Variants in RIN3 observed in about 807,000 individuals in gnomAD.
The protein encoded by RIN3 is Ras and Rab interactor 3, also known as RAB5 interacting protein 3.
A neutral mutation model predicts 76.3 loss-of-function variants in RIN3; 54 were observed. That is an observed-to-expected ratio of 0.71 (90% CI 0.57 to 0.89). The LOEUF (loss-of-function observed/expected upper bound fraction) is 0.89, where lower values mean the gene tolerates loss of function less well. Among genes scored for constraint, RIN3 ranks in the 40% least tolerant of loss-of-function variants. RIN3 has a pLI of 0.00. For synonymous variants in RIN3, 576 were observed against 564.0 expected, an observed-to-expected ratio of 1.02 and a Z score of -0.30; for missense variants, 1,256 against 1,322.1, an observed-to-expected ratio of 0.95 and a Z score of 0.78.
At chr14:92,673,114 C>T (rs1888342657) in intron 7 of RIN3, among the ~76,000 whole-genome samples, 1 of 151,830 alleles carries the variant, frequency 6.6e-6, no homozygotes, top group Non-Finnish European at 1.5e-5. Flanking sequence ...AACCCTGTCT[C>T]TACCAAAAAT....
chr14:92,661,758 C>CACACACAAAA (rs373869994), intron 7 of RIN3, among the ~76,000 whole-genome samples: 62 of 133,286 alleles, frequency 4.7e-4, no homozygotes, highest in East Asian at 8.8e-4. Flanking sequence ...CACACACACA[C>CACACACAAAA]AAAAAATAGA....
chr14:92,533,605 A>G (rs1896930989), intron 1 of RIN3, among the ~76,000 whole-genome samples: 1 of 152,206 alleles, frequency 6.6e-6, no homozygotes, highest in Admixed American at 6.5e-5. Flanking sequence ...TTCTAAGTGA[A>G]GTAACTCAGG....
At chr14:92,670,853 T>C (rs1303643103) in intron 7 of RIN3, among the ~76,000 whole-genome samples, 2 of 152,140 alleles carry the variant, frequency 1.3e-5, no homozygotes, top group African/African-American at 2.4e-5. Flanking sequence ...TAGCTTGACG[T>C]TGGAAATTGT....
At chr14:92,539,246 G>A (rs753129090) in intron 1 of RIN3, among the ~76,000 whole-genome samples, 3 of 152,190 alleles carry the variant, frequency 2.0e-5, no homozygotes, top group Admixed American at 6.5e-5. Flanking sequence ...TAAGCCCAGA[G>A]TGGGGTCTGG....
intron 7 of RIN3, among the ~76,000 whole-genome samples, chr14:92,670,603 TG>T (rs2140162949): frequency 6.6e-6 from 1 of 152,342 alleles, no homozygotes; most frequent in African/African-American, 2.4e-5. Flanking sequence ...GGAGCTATCA[TG>T]CCTGTGTGGA....
chr14:92,676,624 G>T lies in RIN3; in HGVS notation c.2467+18G>T. 1 of 1,610,740 alleles carries T rather than the reference G, an allele frequency of 6.2e-7. No individual in the cohort carries two copies. Among genetic ancestry groups the T allele is most frequent in the African/African-American group, 1.3e-5 (1 of 74,988 alleles). ...GGGGGAGGGTGAGTCACCACCCCCT[G>T]CCCATCAGGTGCATTGCACACCCCC... On this transcript the variant is annotated intron_variant, in intron 8 of 9. Transcript: ENST00000216487.
At chr14:92,640,853 T>G (rs1886983051) in intron 4 of RIN3, among the ~76,000 whole-genome samples, 1 of 152,194 alleles carries the variant, frequency 6.6e-6, no homozygotes. Context: ...GGGAGATGCC[T>G]GACTGTGTGC....
chr14:92,634,598 G>A (rs1212593556), intron 4 of RIN3, among the ~76,000 whole-genome samples: 2 of 152,012 alleles, frequency 1.3e-5, no homozygotes, highest in South Asian at 2.1e-4. Flanking sequence ...GGGCGTGGTG[G>A]CTCACGCCTG....
intron 3 of RIN3, among the ~76,000 whole-genome samples, chr14:92,594,560 T>C (rs1310227830): frequency 6.6e-6 from 1 of 152,104 alleles, no homozygotes; most frequent in Non-Finnish European, 1.5e-5. Context: ...ACAACACACT[T>C]CTAACCAACA....
intron 1 of RIN3, among the ~76,000 whole-genome samples, chr14:92,516,257 G>A (rs1896438752): frequency 6.6e-6 from 1 of 152,206 alleles, no homozygotes; most frequent in Non-Finnish European, 1.5e-5. Flanking sequence ...CCAGAAAGGG[G>A]AAATGGGTTC....
In RIN3 at chr14:92,514,644, G is replaced by A. The variant is rs1896388728; in HGVS notation, c.44+668G>A. Reference sequence around the variant, plus strand: ...TGCGCGCGGGCTGTGGATGCATGACGCCGAATGGTTTGGGAACTGACTTGG... The same window carrying A: ...TGCGCGCGGGCTGTGGATGCATGACACCGAATGGTTTGGGAACTGACTTGG... On this transcript the variant is annotated intron_variant, in intron 1 of 9. Coordinates refer to ENST00000216487, the MANE Select transcript of RIN3 (RefSeq NM_024832.5). This position sits in a 1 kb window ranked among gnomAD's most constrained non-coding sequence, Gnocchi z 7.2. Among the ~76,000 whole-genome samples the A allele has an allele frequency of 6.6e-6, 1 of 152,230 alleles. No homozygotes were observed. The highest frequency in any genetic ancestry group is 1.5e-5 in the Non-Finnish European group (1 of 68,030).
Position 92,648,090 on chromosome 14 carries a change from C to CTTTTTTTTT in RIN3, c.533-3484_533-3476dup, listed in dbSNP as rs35034984. On this transcript the variant is annotated intron_variant, in intron 5 of 9. Coordinates refer to ENST00000216487, the MANE Select transcript of RIN3 (RefSeq NM_024832.5). The surrounding 1 kb of genome is among the most constrained non-coding windows in gnomAD (Gnocchi z 4.1). ...GCTGCAGAGAAAGTTACTCATTTCCCTTTTTTTTTTTTTTTTGGAGCATAA... is the reference window on the plus strand; with the variant it reads ...GCTGCAGAGAAAGTTACTCATTTCCCTTTTTTTTTTTTTTTTTTTTTTTTTGGAGCATAA... Among the ~76,000 whole-genome samples the CTTTTTTTTT allele has an allele frequency of 7.2e-6, 1 of 138,834 alleles. No homozygotes were observed. The highest frequency in any genetic ancestry group is 7.1e-5 in the Admixed American group (1 of 14,002). 91.1% of individuals were successfully genotyped at this position (138,834 alleles called of 152,430 possible). A position where few individuals can be genotyped will look rare whatever the true frequency, so the allele number is the denominator to read the frequency against.
At position 92,568,016 on chromosome 14, in the gene RIN3, T is replaced by C. The variant is rs1897962292; in HGVS notation, c.250-9344T>C. On this transcript the variant is annotated intron_variant, in intron 2 of 9. Coordinates refer to ENST00000216487, the MANE Select transcript of RIN3 (RefSeq NM_024832.5). This position sits in a 1 kb window ranked among gnomAD's most constrained non-coding sequence, Gnocchi z 4.2. The stretch of plus-strand genomic sequence containing the variant: ...AGCAACCCTGAATGATGGATATTAT[T>C]GTCCTCATGTTTAGATGAGGACATT... 6.6e-6 allele frequency among the ~76,000 whole-genome samples: 1 copy of C among 152,232 alleles called. No individual in the cohort carries two copies. The highest frequency in any genetic ancestry group is 1.5e-5 in the Non-Finnish European group (1 of 68,036).
chr14:92,625,549 G>A (rs898342526), intron 4 of RIN3, among the ~76,000 whole-genome samples: 7 of 152,184 alleles, frequency 4.6e-5, no homozygotes, highest in Admixed American at 3.9e-4. Flanking sequence ...ATTATGCCAT[G>A]AGCAGGACAG....
rs56180273 is a variant in RIN3 at position 92,661,758 on chromosome 14, C to CAAAA, written c.2335+2292_2335+2295dup. Among the ~76,000 whole-genome samples the CAAAA allele has an allele frequency of 4.7e-3, 632 of 133,200 alleles. 8 individuals carry two copies. The highest frequency in any genetic ancestry group is 5.6e-3 in the African/African-American group (176 of 31,558). The allele number at this position is 133,200 out of a possible 152,430, so 87.4% of individuals were successfully genotyped here. ...ACACACACACACACACACACACACACAAAAAATAGAATTGTGCTCCCCAAA... is the reference window on the plus strand; with the variant it reads ...ACACACACACACACACACACACACACAAAAAAAAAATAGAATTGTGCTCCCCAAA... On this transcript the variant is annotated intron_variant, in intron 7 of 9. Coordinates refer to ENST00000216487, the MANE Select transcript of RIN3 (RefSeq NM_024832.5).
chr14:92,628,225 ATTTG>A (rs1462048080), intron 4 of RIN3, among the ~76,000 whole-genome samples: 1 of 152,206 alleles, frequency 6.6e-6, no homozygotes, highest in Non-Finnish European at 1.5e-5. Context: ...AAGAGGAACT[ATTTG>A]TTCTTAACAA....
At chr14:92,581,348 C>T (rs2140064533) in intron 3 of RIN3, among the ~76,000 whole-genome samples, 1 of 152,320 alleles carries the variant, frequency 6.6e-6, no homozygotes, top group East Asian at 1.9e-4. Context: ...ACTCGGCTGC[C>T]ACCTGCCAGT....
chr14:92,640,088 G>A (rs1254581328), intron 4 of RIN3, among the ~76,000 whole-genome samples: 1 of 142,612 alleles, frequency 7.0e-6, no homozygotes, highest in Non-Finnish European at 1.5e-5. Context: ...GGAGATGCCT[G>A]ACTGTGTGTT....
chr14:92,683,530 A>G (rs1888740201), intron 8 of RIN3, among the ~76,000 whole-genome samples: 1 of 152,214 alleles, frequency 6.6e-6, no homozygotes, highest in Non-Finnish European at 1.5e-5. Flanking sequence ...TGCAGTCTGA[A>G]GTATCTCAAA....
Sources: allele counts gnomAD v4.1 joint callset (sites outside exome capture counted in the v4.1 genomes callset), GRCh38; gene constraint gnomAD v4.1.1; non-coding constraint Gnocchi (gnomAD v3.1); transcripts MANE v1.5; gene names NCBI Gene and HGNC (gene_info 2026-07-23, HGNC 2026-07-21).